The following BCKDHB variants were observed in gnomAD, a reference collection of about 807,000 sequenced individuals.
BCKDHB encodes 2-oxoisovalerate dehydrogenase subunit beta, mitochondrial.
In BCKDHB, 41 loss-of-function variants were observed where a neutral mutation model predicts 48.5. The ratio of observed to expected loss-of-function variants is 0.85; its 90% CI spans 0.66 to 1.10. BCKDHB has a LOEUF of 1.10. Ranked by LOEUF, BCKDHB falls within the 50% of genes least tolerant of loss-of-function variation. The pLI is 0.00. For missense variants in BCKDHB, 496 were observed against 494.2 expected (o/e 1.00, Z -0.03); for synonymous variants, 201 against 174.8 (o/e 1.15, Z -1.18).
At chr6:80,294,976 T>C (rs1469403994) in intron 9 of BCKDHB, among the ~76,000 whole-genome samples, 2 of 152,136 alleles carry the variant, frequency 1.3e-5, no homozygotes, top group Non-Finnish European at 2.9e-5. Context: ...TTGTACCTAC[T>C]CCCAGTTTTA....
At chr6:80,276,453 A>G (rs1777972555) in intron 9 of BCKDHB, among the ~76,000 whole-genome samples, 1 of 151,982 alleles carries the variant, frequency 6.6e-6, no homozygotes, top group Non-Finnish European at 1.5e-5. Context: ...TTTTAGATAG[A>G]AAAATTATGC....
At chr6:80,399,883 A>T in the BCKDHB span, among the ~76,000 whole-genome samples, 1 of 152,118 alleles carries the variant, frequency 6.6e-6, no homozygotes, top group East Asian at 1.9e-4. Flanking sequence ...ACAAAACCAG[A>T]CATATTGACT....
chr6:80,370,289 A>G, the BCKDHB span, among the ~76,000 whole-genome samples: 1 of 152,316 alleles, frequency 6.6e-6, no homozygotes, highest in South Asian at 2.1e-4. Flanking sequence ...CTCTTCGGAA[A>G]AATAAGGAGG....
chr6:80,323,835 C>T (rs1304186388), intron 9 of BCKDHB, among the ~76,000 whole-genome samples: 1 of 152,176 alleles, frequency 6.6e-6, no homozygotes, highest in Non-Finnish European at 1.5e-5. Context: ...TGCAGTGGCG[C>T]CATCTTGGCT....
intron 9 of BCKDHB, among the ~76,000 whole-genome samples, chr6:80,308,183 G>A (rs1767972598): frequency 1.3e-5 from 2 of 151,864 alleles, no homozygotes; most frequent in South Asian, 4.2e-4. Context: ...GTGTTTATTT[G>A]TATTATTTTT....
At chr6:80,352,033 C>T in the BCKDHB span, among the ~76,000 whole-genome samples, 1 of 152,042 alleles carries the variant, frequency 6.6e-6, no homozygotes, top group Non-Finnish European at 1.5e-5. Flanking sequence ...GTTAATCAGG[C>T]TGGTCTCGAA....
chr6:80,426,053 T>C, the BCKDHB span, among the ~76,000 whole-genome samples: 2 of 152,184 alleles, frequency 1.3e-5, no homozygotes, highest in Non-Finnish European at 2.9e-5. Context: ...AAATACAGCT[T>C]CATTTGCCTA....
the BCKDHB span, among the ~76,000 whole-genome samples, chr6:80,405,922 G>A: frequency 1.3e-5 from 2 of 151,958 alleles, no homozygotes; most frequent in South Asian, 2.1e-4. Flanking sequence ...GGCTTGCTGC[G>A]CCCATCAACT....
At chr6:80,253,823 C>A (rs538278103) in intron 8 of BCKDHB, among the ~76,000 whole-genome samples, 15 of 151,708 alleles carry the variant, frequency 9.9e-5, no homozygotes, top group South Asian at 8.3e-4. Flanking sequence ...TGTTTTTAAT[C>A]CTATAGGAGA....
At chr6:80,124,036 A>G (rs1770196570) in intron 1 of BCKDHB, among the ~76,000 whole-genome samples, 2 of 152,192 alleles carry the variant, frequency 1.3e-5, no homozygotes, top group African/African-American at 4.8e-5. Context: ...ATTTAGAGCT[A>G]TAAATTTCCC....
the BCKDHB span, among the ~76,000 whole-genome samples, chr6:80,460,457 A>G: frequency 6.6e-6 from 1 of 152,138 alleles, no homozygotes; most frequent in Non-Finnish European, 1.5e-5. Context: ...GGAATACCCC[A>G]CCCTAAACAG....
At chr6:80,397,671 CA>C in the BCKDHB span, among the ~76,000 whole-genome samples, 1 of 152,154 alleles carries the variant, frequency 6.6e-6, no homozygotes, top group Non-Finnish European at 1.5e-5. Context: ...TCACTTAGGT[CA>C]GGAGTTTGAG....
chr6:80,106,741 G>A lies in BCKDHB; in HGVS notation c.48G>A (p.Ala16=). ...AAAGWLLRLR[A]AGAEGHWRRL... ...CCGGCTGGCTACTCAGGCTCAGGGC[G>A]GCAGGGGCTGAGGGGCACTGGCGTC... The change falls in exon 1 of 10, where the codon GCG becomes GCA. Residue 16 remains alanine, a synonymous_variant. Coordinates refer to ENST00000320393, the MANE Select transcript of BCKDHB (RefSeq NM_183050.4). 6.4e-7 allele frequency: 1 copy of A among 1,565,868 alleles called. No homozygotes were observed. The highest frequency in any genetic ancestry group is 2.1e-4 in the Middle Eastern group (1 of 4,704).
chr6:80,206,484 A>G (rs74680452), intron 8 of BCKDHB, among the ~76,000 whole-genome samples: 3 of 151,930 alleles, frequency 2.0e-5, no homozygotes, highest in Non-Finnish European at 4.4e-5. Context: ...ATGCTTAGGA[A>G]CATAGAGAAA....
chr6:80,346,832 C>A (rs1770222793), downstream of BCKDHB, among the ~76,000 whole-genome samples: 1 of 152,098 alleles, frequency 6.6e-6, no homozygotes. Context: ...CTTAGCCTTT[C>A]TAAATAACGA....
the BCKDHB span, among the ~76,000 whole-genome samples, chr6:80,416,105 G>C: frequency 6.6e-6 from 1 of 151,800 alleles, no homozygotes; most frequent in Admixed American, 6.6e-5. Context: ...TTTCTGTGGG[G>C]TCAGTGGGAA....
At chr6:80,352,499 A>G in the BCKDHB span, among the ~76,000 whole-genome samples, 1 of 152,142 alleles carries the variant, frequency 6.6e-6, no homozygotes, top group Admixed American at 6.5e-5. Context: ...TCATTCTGTA[A>G]GGAATCAGCC....
At chr6:80,301,223 A>C (rs1057250048) in intron 9 of BCKDHB, among the ~76,000 whole-genome samples, 1 of 152,216 alleles carries the variant, frequency 6.6e-6, no homozygotes, top group African/African-American at 2.4e-5. Flanking sequence ...GCAAAAATCC[A>C]TACAAAAGAT....
the BCKDHB span, among the ~76,000 whole-genome samples, chr6:80,392,531 C>T: frequency 6.6e-6 from 1 of 151,620 alleles, no homozygotes; most frequent in Non-Finnish European, 1.5e-5. Context: ...TTTCTATTTT[C>T]TGCAAGAGTT....
Sources: allele counts gnomAD v4.1 joint callset (sites outside exome capture counted in the v4.1 genomes callset), GRCh38; gene constraint gnomAD v4.1.1; transcripts MANE v1.5; gene names NCBI Gene and HGNC (gene_info 2026-07-23, HGNC 2026-07-21).